RTKN2: variants seen among roughly 807,000 people sequenced by gnomAD.
RTKN2 encodes rhotekin 2.
In RTKN2, 69 loss-of-function variants were observed where a neutral mutation model predicts 71.5. The observed-to-expected ratio is 0.96, with a 90% CI of 0.79 to 1.18. The LOEUF (loss-of-function observed/expected upper bound fraction) is 1.18, where lower values mean the gene tolerates loss of function less well. Ranked by LOEUF, RTKN2 falls within the 50% of genes most tolerant of loss-of-function variation. The pLI, the probability that RTKN2 is intolerant of heterozygous loss-of-function variation, is 0.00. For synonymous variants in RTKN2, 236 were observed against 236.5 expected (o/e 1.00, Z 0.02); for missense variants, 724 against 719.7 (o/e 1.01, Z -0.07).
chr10:62,235,863 A>T (rs1377885031), intron 6 of RTKN2, among the ~76,000 whole-genome samples: 1 of 152,094 alleles, frequency 6.6e-6, no homozygotes, highest in African/African-American at 2.4e-5. Flanking sequence ...ATTCCAAATC[A>T]CTAAAAACAC....
chr10:62,233,090 TA>T (rs927290590), intron 6 of RTKN2, among the ~76,000 whole-genome samples: 31 of 152,298 alleles, frequency 2.0e-4, no homozygotes, highest in Admixed American at 2.0e-3. Flanking sequence ...AAAAGCTTTC[TA>T]AAAAGAAGTG....
At chr10:62,240,054 G>A (rs1237279853) in intron 4 of RTKN2, among the ~76,000 whole-genome samples, 1 of 152,026 alleles carries the variant, frequency 6.6e-6, no homozygotes, top group Non-Finnish European at 1.5e-5. Context: ...AACTTCTTAA[G>A]CTTTAATTAA....
chr10:62,205,197 T>C (rs1841525796), intron 9 of RTKN2, among the ~76,000 whole-genome samples, 175 bp from the exon 10 acceptor site: 1 of 152,172 alleles, frequency 6.6e-6, no homozygotes, highest in Non-Finnish European at 1.5e-5. Context: ...AACTCCAATC[T>C]AGGTTTTTAA....
At chr10:62,200,910 T>C (rs754485463) in intron 10 of RTKN2, among the ~76,000 whole-genome samples, 19 of 152,272 alleles carry the variant, frequency 1.2e-4, no homozygotes, top group Non-Finnish European at 2.8e-4. Flanking sequence ...TTTCAACTAT[T>C]AAGTTAAAAT....
At position 62,240,164 on chromosome 10, in the gene RTKN2, G is replaced by C. The variant is rs1842344279; in HGVS notation, c.371-399C>G. Among the ~76,000 whole-genome samples, 6 of 151,114 alleles carry C rather than the reference G, an allele frequency of 4.0e-5. No homozygotes were observed. The South Asian group carries it at 1.3e-3, about 32-fold the overall frequency. ...GGTTTCCAAGTCTATTTAAGAAAAAGATGTTTTTTATTAGAAGAGGTTAAG... is the reference window on the plus strand; with the variant it reads ...GGTTTCCAAGTCTATTTAAGAAAAACATGTTTTTTATTAGAAGAGGTTAAG... On this transcript the variant is annotated intron_variant, in intron 4 of 11. Transcript: ENST00000373789.
intron 6 of RTKN2, among the ~76,000 whole-genome samples, chr10:62,223,972 G>A (rs1300302880): frequency 6.6e-6 from 1 of 151,328 alleles, no homozygotes; most frequent in Non-Finnish European, 1.5e-5. Flanking sequence ...GTGTGTGTGT[G>A]TATATATACA....
intron 6 of RTKN2, among the ~76,000 whole-genome samples, chr10:62,235,126 G>GA (rs1315584847): frequency 1.3e-5 from 2 of 151,798 alleles, no homozygotes; most frequent in African/African-American, 4.8e-5. Flanking sequence ...ATAATGACAA[G>GA]AAAAAAAGAG....
At chr10:62,189,374 T>C (rs555653832), downstream of RTKN2, among the ~76,000 whole-genome samples, 36 of 152,348 alleles carry the variant, frequency 2.4e-4, no homozygotes, top group Non-Finnish European at 4.7e-4. Context: ...GTGATTCATT[T>C]TGAATGTCCA....
chr10:62,236,845 G>C (rs1324185047), intron 5 of RTKN2, among the ~76,000 whole-genome samples: 2 of 151,486 alleles, frequency 1.3e-5, no homozygotes, highest in Non-Finnish European at 2.9e-5. Context: ...AGGATATTAA[G>C]TTAAATAAGC....
chr10:62,203,607 A>C (rs1442830624), intron 10 of RTKN2, among the ~76,000 whole-genome samples: 1 of 152,234 alleles, frequency 6.6e-6, no homozygotes, highest in Non-Finnish European at 1.5e-5. Context: ...GGCCTCCCAG[A>C]GTGCTGGGAT....
intron 9 of RTKN2, among the ~76,000 whole-genome samples, chr10:62,213,454 T>C (rs879606186): frequency 1.1e-4 from 17 of 152,142 alleles, no homozygotes; most frequent in Non-Finnish European, 1.5e-4. Context: ...ATTAGAAGAA[T>C]TGTCGAGGAT....
At chr10:62,220,389 T>C (rs1027047221) in intron 7 of RTKN2, among the ~76,000 whole-genome samples, 20 of 152,092 alleles carry the variant, frequency 1.3e-4, no homozygotes, top group African/African-American at 4.8e-4. Flanking sequence ...AGGCAGCAAA[T>C]GAAATGAAAA....
chr10:62,219,872 T>G (rs1470660862), intron 7 of RTKN2, among the ~76,000 whole-genome samples: 1 of 152,186 alleles, frequency 6.6e-6, no homozygotes, highest in African/African-American at 2.4e-5. Context: ...AACATTAAGA[T>G]AGTCCTTTAA....
At position 62,194,326 on chromosome 10, in the gene RTKN2, A is replaced by C; in HGVS notation, c.*3582T>G. On this transcript the variant is annotated 3_prime_UTR_variant, in exon 12 of 12. Coordinates refer to ENST00000373789, the MANE Select transcript of RTKN2 (RefSeq NM_145307.4). ...ATTAATAGCAATGAAGCAGTTGCAC[A>C]CAAACATGTAAACATATGTAAACAT... 3 of 984,666 alleles carry C rather than the reference A, an allele frequency of 3.0e-6. No homozygotes were observed. Among genetic ancestry groups the C allele is most frequent in the Non-Finnish European group, 3.6e-6 (3 of 829,232 alleles). 61.0% of individuals were successfully genotyped at this position (984,666 alleles called of 1,614,324 possible).
At chr10:62,230,670 T>A (rs965317806) in intron 6 of RTKN2, among the ~76,000 whole-genome samples, 1 of 152,206 alleles carries the variant, frequency 6.6e-6, no homozygotes, top group Non-Finnish European at 1.5e-5. Flanking sequence ...TTGTTCCACA[T>A]TTTCAGATGA....
In RTKN2 at chr10:62,197,818, T is replaced by A; in HGVS notation, c.*90A>T. ...AATTATTGGTATAAATCACTATATT[T>A]ACCTATATAATTACACATTATTCTA... is the stretch of plus-strand genomic sequence containing the variant. On this transcript the variant is annotated 3_prime_UTR_variant, in exon 12 of 12. Transcript: ENST00000373789. The A allele has an allele frequency of 6.9e-7, 1 of 1,451,414 alleles. No individual in the cohort carries two copies. Among genetic ancestry groups the A allele is most frequent in the Non-Finnish European group, 9.1e-7 (1 of 1,098,196 alleles). 89.9% of individuals were successfully genotyped at this position (1,451,414 alleles called of 1,614,324 possible). A position where few individuals can be genotyped will look rare whatever the true frequency, so the allele number is the denominator to read the frequency against.
chr10:62,190,260 T>C (rs1841199764), downstream of RTKN2, among the ~76,000 whole-genome samples: 1 of 152,198 alleles, frequency 6.6e-6, no homozygotes, highest in Non-Finnish European at 1.5e-5. Flanking sequence ...GCTTTTTTGC[T>C]ATTTCACGTT....
downstream of RTKN2, among the ~76,000 whole-genome samples, chr10:62,192,459 A>G (rs1350042056): frequency 6.6e-6 from 1 of 152,194 alleles, no homozygotes; most frequent in Non-Finnish European, 1.5e-5. Flanking sequence ...CTCTTTACCC[A>G]TGAAGACGAT....
intron 9 of RTKN2, among the ~76,000 whole-genome samples, chr10:62,215,676 A>G (rs770066530): frequency 9.2e-5 from 14 of 152,026 alleles, no homozygotes; most frequent in Non-Finnish European, 1.3e-4. Flanking sequence ...TTCAGAAAAA[A>G]ATTTTAACTA....
Sources: allele counts gnomAD v4.1 joint callset (sites outside exome capture counted in the v4.1 genomes callset), GRCh38; gene constraint gnomAD v4.1.1; transcripts MANE v1.5; gene names NCBI Gene and HGNC (gene_info 2026-07-23, HGNC 2026-07-21).